Variants in PLCG2 observed in about 807,000 individuals in gnomAD.
The protein encoded by PLCG2 is 1-phosphatidylinositol 4,5-bisphosphate phosphodiesterase gamma-2.
In PLCG2, 69 loss-of-function variants were observed where a neutral mutation model predicts 175.6. The observed-to-expected ratio is 0.39, with a 90% CI of 0.32 to 0.48. The LOEUF (loss-of-function observed/expected upper bound fraction) is 0.48. PLCG2 is among the 20% of genes least tolerant of loss of function. PLCG2 has a pLI of 0.91. For missense variants in PLCG2, 1,798 were observed against 1,650.9 expected, an observed-to-expected ratio of 1.09 and a Z score of -1.54; for synonymous variants, 827 against 624.0, an observed-to-expected ratio of 1.33 and a Z score of -4.85.
intron 28 of PLCG2, 71 bp downstream of exon 28, chr16:81,937,974 G>C: frequency 6.8e-7 from 1 of 1,477,442 alleles, no homozygotes. Context: ...ATGCTGTCTT[G>C]AGAGCAGGGA....
chr16:81,913,667 A>G (rs1909725961), intron 19 of PLCG2, among the ~76,000 whole-genome samples: 1 of 152,188 alleles, frequency 6.6e-6, no homozygotes, highest in African/African-American at 2.4e-5. Context: ...GAAAAATGGG[A>G]GGCAGTGGAT....
At chr16:81,788,904 G>C (rs7189468) in intron 2 of PLCG2, among the ~76,000 whole-genome samples, 17,849 of 152,180 alleles carry the variant, frequency 0.12, 1,417 homozygotes, top group East Asian at 0.43. Flanking sequence ...TCCCCCACAA[G>C]GGGTGAGAGG....
chr16:81,805,783 GTTTT>G (rs35014411), intron 2 of PLCG2, among the ~76,000 whole-genome samples: 3 of 82,918 alleles, frequency 3.6e-5, no homozygotes, highest in Admixed American at 1.4e-4. Flanking sequence ...TTTTTTTTTT[GTTTT>G]TTTTTTTTTT....
chr16:81,908,264 G>T, intron 16 of PLCG2, 152 bp from the exon 17 acceptor site: 1 of 662,638 alleles, frequency 1.5e-6, no homozygotes, highest in East Asian at 2.8e-5. Flanking sequence ...AGCAGGTGCT[G>T]TTTTCCCATA....
At chr16:81,790,356 C>T (rs995835204) in intron 2 of PLCG2, among the ~76,000 whole-genome samples, 2 of 152,132 alleles carry the variant, frequency 1.3e-5, no homozygotes, top group Admixed American at 6.5e-5. Context: ...AGTGGAGGTC[C>T]TGTTTGCAAT....
At chr16:81,765,636 A>G (rs1910133766) in intron 2 of PLCG2, among the ~76,000 whole-genome samples, 1 of 43,046 alleles carries the variant, frequency 2.3e-5, no homozygotes, top group South Asian at 7.1e-4. Context: ...GTCTCAATAA[A>G]TAAATAAATA....
intron 10 of PLCG2, among the ~76,000 whole-genome samples, chr16:81,890,571 G>A (rs955812778): frequency 1.3e-5 from 2 of 152,148 alleles, no homozygotes; most frequent in African/African-American, 4.8e-5. Context: ...AGGGAGAGTT[G>A]AACCATTGCA....
chr16:81,849,860 G>A (rs1906319068), intron 2 of PLCG2, among the ~76,000 whole-genome samples: 1 of 149,570 alleles, frequency 6.7e-6, no homozygotes, highest in Non-Finnish European at 1.5e-5. Flanking sequence ...TAGACAGAAA[G>A]AGAAAAGAAT....
At chr16:81,931,305 C>G (rs141124014) in intron 24 of PLCG2, 192 bp from the exon 25 acceptor site, 1 of 475,682 alleles carries the variant, frequency 2.1e-6, no homozygotes, top group Non-Finnish European at 3.7e-6. Flanking sequence ...CCTACTGAAT[C>G]TACTGCATCC....
At chr16:81,805,767 G>GTTTTTTTTTTTTTTTGTTT (rs943191397) in intron 2 of PLCG2, among the ~76,000 whole-genome samples, 1 of 39,518 alleles carries the variant, frequency 2.5e-5, no homozygotes. Flanking sequence ...GTTTTGTTTT[G>GTTTTTTTTTTTTTTTGTTT]TTTTTTTTTT....
intron 9 of PLCG2, among the ~76,000 whole-genome samples, chr16:81,884,206 G>C (rs538342465): frequency 1.1e-3 from 167 of 152,168 alleles, no homozygotes; most frequent in African/African-American, 3.9e-3. Context: ...CAAAAATTAG[G>C]CAGGCATTGT....
chr16:81,797,124 C>T (rs531936964), intron 2 of PLCG2, among the ~76,000 whole-genome samples: 10 of 152,104 alleles, frequency 6.6e-5, no homozygotes, highest in Admixed American at 2.0e-4. Context: ...AGTGGGTAAA[C>T]GAGGGAGGCA....
At chr16:81,821,309 G>A (rs1031886509) in intron 2 of PLCG2, among the ~76,000 whole-genome samples, 2 of 152,244 alleles carry the variant, frequency 1.3e-5, no homozygotes, top group South Asian at 4.1e-4. Flanking sequence ...ATAATGGATT[G>A]TTGTCTCTTG....
intron 5 of PLCG2, among the ~76,000 whole-genome samples, chr16:81,865,840 C>G (rs1247863951): frequency 2.2e-5 from 3 of 138,248 alleles, no homozygotes; most frequent in Non-Finnish European, 4.6e-5. Flanking sequence ...CTCTCCCTTG[C>G]TCCCAGGGTG....
chr16:81,945,690 A>T (rs1597150427), intron 30 of PLCG2, among the ~76,000 whole-genome samples: 1 of 152,244 alleles, frequency 6.6e-6, no homozygotes, highest in East Asian at 1.9e-4. Flanking sequence ...CTTTAGGAGG[A>T]GGAAGATCAA....
At chr16:81,778,960 C>T (rs948514032), upstream of PLCG2, among the ~76,000 whole-genome samples, 1 of 152,186 alleles carries the variant, frequency 6.6e-6, no homozygotes, top group Non-Finnish European at 1.5e-5. Flanking sequence ...GGCGCCCGGC[C>T]GGGAGTGTGT....
chr16:81,885,266 C>T (rs541076578), intron 9 of PLCG2, among the ~76,000 whole-genome samples: 1 of 152,208 alleles, frequency 6.6e-6, no homozygotes, highest in South Asian at 2.1e-4. Context: ...TCAGGTGATC[C>T]ACCCGCCTTG....
intron 14 of PLCG2, among the ~76,000 whole-genome samples, chr16:81,902,549 G>C (rs1319261205): frequency 2.0e-5 from 3 of 151,876 alleles, no homozygotes; most frequent in East Asian, 1.9e-4. Flanking sequence ...TCTTTTATAA[G>C]GGCACCATTC....
rs572864053 is a variant in PLCG2, at chr16:81,958,787, G to A, written c.*789G>A. ...CCCACTAGTCCCTCATGGCCCTACT[G>A]AACTGGCTGGGAGGCTGCTGGAATG... On this transcript the variant is annotated 3_prime_UTR_variant, in exon 33 of 33. Coordinates refer to ENST00000564138, the MANE Select transcript of PLCG2 (RefSeq NM_002661.5). 1.4e-3 allele frequency: 304 copies of A among 221,136 alleles called. No individual in the cohort carries two copies. Among genetic ancestry groups the A allele is most frequent in the African/African-American group, 6.4e-3 (288 of 44,766 alleles). The allele number at this position is 221,136 out of a possible 1,614,324, so 13.7% of individuals were successfully genotyped here. A position where few individuals can be genotyped will look rare whatever the true frequency, so the allele number is the denominator to read the frequency against.
Sources: gnomAD v4.1 joint callset for allele counts (sites outside exome capture counted in the v4.1 genomes callset) on GRCh38, gnomAD v4.1.1 for gene constraint, MANE v1.5 for transcripts, NCBI Gene and HGNC (gene_info 2026-07-23, HGNC 2026-07-21) for gene names.